Variants in SMARCA4 observed in about 807,000 individuals in gnomAD.
SMARCA4 encodes SWI/SNF related BAF chromatin remodeling complex subunit ATPase 4.
SMARCA4 carries 31 observed loss-of-function variants against 193.9 expected under a neutral mutation model. The ratio of observed to expected loss-of-function variants is 0.16; its 90% CI spans 0.12 to 0.22. The LOEUF (loss-of-function observed/expected upper bound fraction) is 0.22, where lower values mean the gene tolerates loss of function less well. Ranked by LOEUF, SMARCA4 falls within the 10% of genes least tolerant of loss-of-function variation. SMARCA4 has a pLI of 1.00. For missense variants in SMARCA4, 1,148 were observed against 2,296.0 expected (o/e 0.50, Z 10.22); for synonymous variants, 942 against 933.1 (o/e 1.01, Z -0.17).
intron 1 of SMARCA4, among the ~76,000 whole-genome samples, chr19:10,964,289 T>A (rs957717204): frequency 6.6e-6 from 1 of 152,048 alleles, no homozygotes; most frequent in African/African-American, 2.4e-5. Context: ...TTTGGGCAGA[T>A]GTCTGGTGGA....
chr19:11,055,607 T>C (rs1240801428), intron 30 of SMARCA4, among the ~76,000 whole-genome samples: 1 of 152,148 alleles, frequency 6.6e-6, no homozygotes, highest in Non-Finnish European at 1.5e-5. Context: ...GGGTCTCACT[T>C]CCTGGGCTCT....
At chr19:11,053,529 A>G (rs1421885589) in intron 30 of SMARCA4, among the ~76,000 whole-genome samples, 1 of 151,778 alleles carries the variant, frequency 6.6e-6, no homozygotes, top group African/African-American at 2.4e-5. Context: ...GCCAAAGCCC[A>G]CCGATTTCTG....
chr19:11,006,978 T>C (rs2088277772), intron 13 of SMARCA4, among the ~76,000 whole-genome samples: 1 of 151,878 alleles, frequency 6.6e-6, no homozygotes, highest in East Asian at 1.9e-4. Flanking sequence ...TCCCAGCTAC[T>C]CGAGAGGCTG....
intron 13 of SMARCA4, 120 bp downstream of exon 13, chr19:11,003,517 G>T: frequency 1.1e-6 from 1 of 916,246 alleles, no homozygotes; most frequent in South Asian, 1.3e-5. Flanking sequence ...GAACAGCAGG[G>T]CCCAGGCCTG....
intron 8 of SMARCA4, among the ~76,000 whole-genome samples, chr19:10,992,094 A>G (rs1250837333): frequency 2.0e-5 from 3 of 152,028 alleles, no homozygotes; most frequent in Non-Finnish European, 4.4e-5. Context: ...TAGACAGTCA[A>G]CACAGCAATC....
intron 15 of SMARCA4, chr19:11,012,524 C>T (rs187066350): frequency 3.7e-6 from 1 of 269,204 alleles, no homozygotes; most frequent in Non-Finnish European, 7.4e-6. Flanking sequence ...GGAAATCCCT[C>T]TCTTAATCTT....
chr19:11,029,062 T>C (rs966316941), intron 24 of SMARCA4, among the ~76,000 whole-genome samples: 1 of 152,052 alleles, frequency 6.6e-6, no homozygotes, highest in African/African-American at 2.4e-5. Flanking sequence ...CTCCCCGGGG[T>C]TCTGTCCAGG....
chr19:11,018,822 TAA>T, intron 16 of SMARCA4, 133 bp from the exon 17 acceptor site: 2 of 801,486 alleles, frequency 2.5e-6, no homozygotes, highest in Non-Finnish European at 4.6e-6. Flanking sequence ...TCAGCTGCCC[TAA>T]ACACAGTTTC....
chr19:10,989,121 T>G (rs985847613), intron 6 of SMARCA4, among the ~76,000 whole-genome samples, 196 bp from the exon 7 acceptor site: 37 of 152,342 alleles, frequency 2.4e-4, no homozygotes, highest in African/African-American at 8.9e-4. Flanking sequence ...TGCTGTCCCC[T>G]GAGGCCCGGT....
rs12012 is a variant in SMARCA4 at position 11,041,252 on chromosome 19, T to C, written c.4171-55T>C. The C allele has an allele frequency of 6.4e-7, 1 of 1,561,946 alleles. No individual in the cohort carries two copies. Among genetic ancestry groups the C allele is most frequent in the Non-Finnish European group, 8.7e-7 (1 of 1,154,224 alleles). ...CGGCCCCTGGGATTGCGTCGCGGCC[T>C]CTGCTTGTCGACCTGGGTGCTGGCT... is the stretch of plus-strand genomic sequence containing the variant. On this transcript the variant is annotated intron_variant, in intron 29 of 34. Coordinates refer to ENST00000344626, the MANE Select transcript of SMARCA4 (RefSeq NM_003072.5). This position sits in a 1 kb window ranked among gnomAD's most constrained non-coding sequence, Gnocchi z 5.6.
At chr19:11,038,295 G>A (rs766057036) in intron 29 of SMARCA4, among the ~76,000 whole-genome samples, 5 of 152,130 alleles carry the variant, frequency 3.3e-5, no homozygotes, top group Non-Finnish European at 5.9e-5. Context: ...GTCCCCTTCT[G>A]TGTCTTTTAA....
chr19:11,026,115 A>G (rs1225818931), intron 22 of SMARCA4, among the ~76,000 whole-genome samples, 185 bp from the exon 23 acceptor site: 2 of 152,198 alleles, frequency 1.3e-5, no homozygotes, highest in Admixed American at 1.3e-4. Context: ...TGTGAGGGAA[A>G]GGATGTCAGT....
chr19:11,042,512 G>A (rs902771962), intron 30 of SMARCA4, among the ~76,000 whole-genome samples: 2 of 152,200 alleles, frequency 1.3e-5, no homozygotes, highest in Middle Eastern at 3.2e-3. Context: ...CGTAATGGGA[G>A]GGTTGTACTG....
intron 20 of SMARCA4, among the ~76,000 whole-genome samples, chr19:11,024,104 G>A (rs1447347690): frequency 6.6e-6 from 1 of 152,186 alleles, no homozygotes; most frequent in East Asian, 1.9e-4. Context: ...GATGGCTGGG[G>A]GGCCCTTTCT....
chr19:11,001,896 TTCA>T (rs2087674222), intron 11 of SMARCA4, among the ~76,000 whole-genome samples: 1 of 152,214 alleles, frequency 6.6e-6, no homozygotes, highest in Non-Finnish European at 1.5e-5. Flanking sequence ...CAGGAGGAGT[TTCA>T]TATTTGTTGC....
At chr19:11,061,204 A>T (rs12976723) in intron 34 of SMARCA4, among the ~76,000 whole-genome samples, 3,550 of 44,112 alleles carry the variant, frequency 0.08, 151 homozygotes, top group Non-Finnish European at 0.1. Context: ...AAAAAAAAAA[A>T]ATATATATAT....
intron 1 of SMARCA4, among the ~76,000 whole-genome samples, chr19:10,981,438 A>T (rs1409549424): frequency 1.3e-5 from 2 of 152,242 alleles, no homozygotes; most frequent in African/African-American, 2.4e-5. Flanking sequence ...AATCAGACAG[A>T]TCCTGTTTCT....
chr19:11,020,188 T>A (rs1175026819), intron 18 of SMARCA4, among the ~76,000 whole-genome samples: 1 of 152,168 alleles, frequency 6.6e-6, no homozygotes, highest in Non-Finnish European at 1.5e-5. Flanking sequence ...TGGTTCGGGC[T>A]GTTCTGTGAG....
rs374142820 is a variant in SMARCA4 at position 10,996,116 on chromosome 19, C to T, written c.1594-97C>T. The T allele has an allele frequency of 7.2e-5, 89 of 1,237,824 alleles. No individual in the cohort carries two copies. In the East Asian group the frequency reaches 1.3e-3, roughly 17 times the overall value. The allele number at this position is 1,237,824 out of a possible 1,614,324, so 76.7% of individuals were successfully genotyped here. On this transcript the variant is annotated intron_variant, in intron 9 of 34. Transcript: ENST00000344626. ...GGTGGCACGGCACCCGCGTGAGCTA[C>T]GCGTGCCCTCAGTGCGCTTCTGGAT...
Sources: gnomAD v4.1 joint callset for allele counts (sites outside exome capture counted in the v4.1 genomes callset) on GRCh38, gnomAD v4.1.1 for gene constraint, Gnocchi (gnomAD v3.1) non-coding constraint, MANE v1.5 for transcripts, NCBI Gene and HGNC (gene_info 2026-07-23, HGNC 2026-07-21) for gene names.